The following DBNDD1 variants were observed in gnomAD, a reference collection of about 807,000 sequenced individuals.
DBNDD1 encodes dysbindin domain-containing protein 1.
A neutral mutation model predicts 17.0 loss-of-function variants in DBNDD1; 14 were observed. The ratio of observed to expected loss-of-function variants is 0.82; its 90% CI spans 0.54 to 1.29. DBNDD1 has a LOEUF of 1.29. DBNDD1 is among the 50% of genes most tolerant of loss of function. DBNDD1 has a pLI of 0.00. For synonymous variants in DBNDD1, 105 were observed against 102.0 expected (o/e 1.03, Z -0.18); for missense variants, 221 against 216.2 (o/e 1.02, Z -0.14).
intron 1 of DBNDD1, among the ~76,000 whole-genome samples, chr16:90,012,548 C>G (rs541200638): frequency 6.6e-6 from 1 of 151,926 alleles, no homozygotes. Flanking sequence ...AAACCTCCGC[C>G]TCCTGGGTTC....
intron 1 of DBNDD1, among the ~76,000 whole-genome samples, chr16:90,014,971 C>T (rs1419384196): frequency 1.3e-5 from 2 of 150,714 alleles, no homozygotes; most frequent in Admixed American, 6.6e-5. Flanking sequence ...TGCCACTGCA[C>T]TCCAGCCTGG....
intron 1 of DBNDD1, chr16:90,010,077 G>C (rs745908376): frequency 6.2e-7 from 1 of 1,607,204 alleles, no homozygotes; most frequent in Non-Finnish European, 8.5e-7. Context: ...ATGGAGTCTC[G>C]CTCTGTCACC....
chr16:90,019,287 C>G lies in DBNDD1; in HGVS notation c.31+24G>C, dbSNP rs2151267690. On this transcript the variant is annotated intron_variant, in intron 1 of 3. Transcript: ENST00000002501. This position sits in a 1 kb window ranked among gnomAD's most constrained non-coding sequence, Gnocchi z 6.1. ...CTGCGGGGAAGCGCTGCGCGGGGGT[C>G]TCGGGGGCTGGGGCTGAACTCACCT... The G allele has an allele frequency of 5.0e-6, 6 of 1,206,034 alleles. No homozygotes were observed. In the East Asian group the frequency reaches 1.9e-4, roughly 39 times the overall value. 74.7% of individuals were successfully genotyped at this position (1,206,034 alleles called of 1,614,324 possible). A position where few individuals can be genotyped will look rare whatever the true frequency, so the allele number is the denominator to read the frequency against.
Position 90,009,339 on chromosome 16 carries a change from C to G in DBNDD1, c.123G>C (p.Glu41Asp), listed in dbSNP as rs534187310. The change falls in exon 2 of 4, where the codon GAG becomes GAC. Residue 41 changes from glutamate to aspartate, a missense_variant. Physicochemically the swap from Glu to Asp is conservative, Grantham distance 45. Coordinates refer to ENST00000002501, the MANE Select transcript of DBNDD1 (RefSeq NM_001042610.3). Reference protein sequence around the residue: ...GDNGHTPVEEEVGGIPVPAPG... With the variant: ...GDNGHTPVEEDVGGIPVPAPG... ...GTGCTGGTACTGGGATGCCCCCGAC[C>G]TCCTCCTCCACAGGCGTGTGGCCAT... is the stretch of plus-strand genomic sequence containing the variant. The G allele has an allele frequency of 2.5e-6, 4 of 1,613,582 alleles. No individual in the cohort carries two copies. Among genetic ancestry groups the G allele is most frequent in the Non-Finnish European group, 2.5e-6 (3 of 1,180,016 alleles).
At chr16:90,012,838 C>T (rs1004146247) in intron 1 of DBNDD1, among the ~76,000 whole-genome samples, 6 of 152,138 alleles carry the variant, frequency 3.9e-5, no homozygotes, top group Non-Finnish European at 7.4e-5. Context: ...GCAGCCTCAA[C>T]CTCTTGGGCT....
At chr16:90,006,875 CCCA>C (rs2035438026) in intron 3 of DBNDD1, 5 of 180,712 alleles carry the variant, frequency 2.8e-5, no homozygotes, top group African/African-American at 1.5e-4. Context: ...GAGCCTCTGC[CCCA>C]TCATGGGCCT....
chr16:90,017,201 A>C (rs1191312893), intron 1 of DBNDD1, among the ~76,000 whole-genome samples: 1 of 152,246 alleles, frequency 6.6e-6, no homozygotes, highest in African/African-American at 2.4e-5. Flanking sequence ...AATGCTTTAT[A>C]AAAATCCTAT....
chr16:90,019,206 T>C lies in DBNDD1; in HGVS notation c.31+105A>G, dbSNP rs2035717101. ...ACGACCCCGAGCTGCCAAAGGGGTC[T>C]TCGCGACTCCCGGGAGCGGCGAAGG... On this transcript the variant is annotated intron_variant, in intron 1 of 3. Transcript: ENST00000002501. The surrounding 1 kb of genome is among the most constrained non-coding windows in gnomAD (Gnocchi z 6.1). The C allele has an allele frequency of 1.8e-6, 1 of 542,936 alleles. No individual in the cohort carries two copies. The highest frequency in any genetic ancestry group is 2.7e-6 in the Non-Finnish European group (1 of 369,770). The allele number at this position is 542,936 out of a possible 1,614,324, so 33.6% of individuals were successfully genotyped here.
chr16:90,018,345 G>C (rs1424664142), intron 1 of DBNDD1, among the ~76,000 whole-genome samples: 1 of 152,250 alleles, frequency 6.6e-6, no homozygotes, highest in Non-Finnish European at 1.5e-5. Context: ...AGATACACAG[G>C]GTGGGTGGAC....
chr16:90,017,357 T>C (rs1597585468), intron 1 of DBNDD1, among the ~76,000 whole-genome samples: 1 of 151,898 alleles, frequency 6.6e-6, no homozygotes, highest in Non-Finnish European at 1.5e-5. Flanking sequence ...CAGCCAGGTG[T>C]GGTGGCGGGC....
rs762805870 is a variant in DBNDD1 at position 90,008,908 on chromosome 16, G to C, written c.195C>G (p.Val65=). The change falls in exon 3 of 4, where the codon GTC becomes GTG. Residue 65 remains valine, a synonymous_variant. Transcript: ENST00000002501. ...VTERRQPLSS[V]SSLEVHFDLL... is the part of the protein sequence containing the mutation. ...GGTCGAAGTGGACCTCCAGAGAGGA[G>C]ACGCTGCTCAGAGGCTCTGAGGGCA... 6.4e-7 allele frequency: 1 copy of C among 1,572,742 alleles called. No individual in the cohort carries two copies. The highest frequency in any genetic ancestry group is 1.1e-5 in the South Asian group (1 of 87,256).
intron 1 of DBNDD1, among the ~76,000 whole-genome samples, chr16:90,015,521 A>G (rs191235667): frequency 1.3e-5 from 2 of 152,312 alleles, no homozygotes; most frequent in Non-Finnish European, 2.9e-5. Flanking sequence ...GGAGGTGGGC[A>G]CCCCTAACAC....
At chr16:90,013,875 C>T (rs188006906) in intron 1 of DBNDD1, among the ~76,000 whole-genome samples, 6 of 111,080 alleles carry the variant, frequency 5.4e-5, no homozygotes, top group Non-Finnish European at 8.8e-5. Flanking sequence ...GGTGCTCTAC[C>T]AAACTTGGAG....
intron 1 of DBNDD1, among the ~76,000 whole-genome samples, chr16:90,010,460 C>T (rs763509229): frequency 1.3e-5 from 2 of 149,694 alleles, no homozygotes; most frequent in South Asian, 2.1e-4. Context: ...CTCCACCTCA[C>T]GGGTTCAAGC....
intron 3 of DBNDD1, 125 bp from the exon 4 acceptor site, chr16:90,006,617 G>C: frequency 8.0e-7 from 1 of 1,244,986 alleles, no homozygotes; most frequent in East Asian, 2.6e-5. Flanking sequence ...CCCTGCACCA[G>C]GCATGCACAC....
intron 1 of DBNDD1, among the ~76,000 whole-genome samples, chr16:90,013,141 C>T (rs1371474703): frequency 6.6e-6 from 1 of 151,312 alleles, no homozygotes; most frequent in African/African-American, 2.4e-5. Context: ...TGGTGGTGCA[C>T]ACCTGTGTGG....
chr16:90,009,544 T>G lies in DBNDD1; in HGVS notation c.32-114A>C, dbSNP rs1487212447. On this transcript the variant is annotated intron_variant, in intron 1 of 3. Transcript: ENST00000002501. ...TCCAGTCCTTTGAAACTCTGGGCAG[T>G]GACCAGCAGGTGATGGGATGGCTGG... The G allele has an allele frequency of 4.0e-6, 6 of 1,491,484 alleles. No individual in the cohort carries two copies. In the African/African-American group the frequency reaches 4.1e-5, roughly 10 times the overall value. The allele number at this position is 1,491,484 out of a possible 1,614,324, so 92.4% of individuals were successfully genotyped here. A position where few individuals can be genotyped will look rare whatever the true frequency, so the allele number is the denominator to read the frequency against.
chr16:90,013,775 C>T (rs561930161), intron 1 of DBNDD1, among the ~76,000 whole-genome samples: 24 of 152,300 alleles, frequency 1.6e-4, no homozygotes, highest in African/African-American at 5.8e-4. Flanking sequence ...ATGGCATAGA[C>T]AAAATAGATG....
At chr16:90,013,001 C>T (rs1234885758) in intron 1 of DBNDD1, among the ~76,000 whole-genome samples, 1 of 151,920 alleles carries the variant, frequency 6.6e-6, no homozygotes, top group East Asian at 1.9e-4. Context: ...CCTCCCACCC[C>T]CTCCTCTCTG....
Sources: gnomAD v4.1 joint callset for allele counts (sites outside exome capture counted in the v4.1 genomes callset) on GRCh38, gnomAD v4.1.1 for gene constraint, Gnocchi (gnomAD v3.1) non-coding constraint, MANE v1.5 for transcripts, NCBI Gene and HGNC (gene_info 2026-07-23, HGNC 2026-07-21) for gene names.